SDK1: variants seen among roughly 807,000 people sequenced by gnomAD.
The protein encoded by SDK1 is sidekick cell adhesion molecule 1.
Under a neutral mutation model 245.5 loss-of-function variants are expected in SDK1, and 157 were observed. The ratio of observed to expected loss-of-function variants is 0.64; its 90% CI spans 0.56 to 0.73. The LOEUF (loss-of-function observed/expected upper bound fraction) is 0.73. SDK1 is among the 30% of genes least tolerant of loss of function. SDK1 has a pLI of 0.00. For synonymous variants in SDK1, 1,647 were observed against 1,278.5 expected (o/e 1.29, Z -6.15); for missense variants, 3,583 against 3,002.3 (o/e 1.19, Z -4.52).
chr7:4,141,039 G>A (rs896345131), intron 28 of SDK1, among the ~76,000 whole-genome samples: 13 of 152,150 alleles, frequency 8.5e-5, no homozygotes, highest in Admixed American at 2.6e-4. Context: ...CAGGTCTCCC[G>A]GCTCCCTGCT....
chr7:3,818,071 T>G (rs1779553915), intron 4 of SDK1, among the ~76,000 whole-genome samples: 1 of 152,232 alleles, frequency 6.6e-6, no homozygotes, highest in South Asian at 2.1e-4. Context: ...CATATTGTAC[T>G]CAGTTATTTT....
rs1562646700 is a variant in SDK1, at chr7:3,672,777, AT to A, written c.713+30673del. Among the ~76,000 whole-genome samples the A allele has an allele frequency of 4.0e-4, 39 of 98,290 alleles. 1 individual carries two copies. Among genetic ancestry groups the A allele is most frequent in the Non-Finnish European group, 7.3e-4 (35 of 48,156 alleles). The allele number at this position is 98,290 out of a possible 152,430, so 64.5% of individuals were successfully genotyped here. A position where few individuals can be genotyped will look rare whatever the true frequency, so the allele number is the denominator to read the frequency against. On this transcript the variant is annotated intron_variant, in intron 4 of 44. Transcript: ENST00000404826. The stretch of plus-strand genomic sequence containing the variant: ...TATAATTTTATATATATATATATAT[AT>A]ATATATATATATATATAAAAAATAC...
intron 5 of SDK1, among the ~76,000 whole-genome samples, chr7:3,904,491 C>G (rs1011389282): frequency 3.3e-5 from 5 of 151,566 alleles, no homozygotes; most frequent in Non-Finnish European, 7.4e-5. Context: ...TCCAGGAGTT[C>G]AAGAGCAGCC....
At chr7:3,952,376 C>T (rs1033366772) in intron 7 of SDK1, among the ~76,000 whole-genome samples, 13 of 152,094 alleles carry the variant, frequency 8.5e-5, no homozygotes, top group Admixed American at 5.2e-4. Flanking sequence ...GCCAGGAGTT[C>T]GAGACCAGCC....
intron 2 of SDK1, among the ~76,000 whole-genome samples, chr7:3,635,279 C>T (rs1398894875): frequency 6.6e-6 from 1 of 152,108 alleles, no homozygotes; most frequent in Non-Finnish European, 1.5e-5. Context: ...TATTTTTTCT[C>T]TTTATAAAAG....
intron 1 of SDK1, among the ~76,000 whole-genome samples, chr7:3,312,928 A>G (rs745792166): frequency 6.6e-6 from 1 of 152,186 alleles, no homozygotes; most frequent in South Asian, 2.1e-4. Flanking sequence ...ATAAATTCAT[A>G]CCTAGACATA....
intron 28 of SDK1, among the ~76,000 whole-genome samples, chr7:4,133,500 C>T (rs1562860930): frequency 6.6e-6 from 1 of 152,198 alleles, no homozygotes; most frequent in Non-Finnish European, 1.5e-5. Flanking sequence ...GCCTCACACA[C>T]AGCTCCTTCT....
chr7:3,999,435 A>G (rs989769134), intron 14 of SDK1, among the ~76,000 whole-genome samples: 1 of 152,192 alleles, frequency 6.6e-6, no homozygotes, highest in Admixed American at 6.5e-5. Flanking sequence ...GCTTGCCAGG[A>G]AAGTGGATCT....
At chr7:3,308,121 G>C (rs893540234) in intron 1 of SDK1, among the ~76,000 whole-genome samples, 2 of 152,120 alleles carry the variant, frequency 1.3e-5, no homozygotes, top group Non-Finnish European at 2.9e-5. Flanking sequence ...TTTAGGTTCT[G>C]TAAAACAAAT....
chr7:3,359,211 G>T (rs1056047923), intron 1 of SDK1, among the ~76,000 whole-genome samples: 1 of 152,132 alleles, frequency 6.6e-6, no homozygotes, highest in African/African-American at 2.4e-5. Flanking sequence ...TGTGTGGGCT[G>T]CCAAGTGGCC....
chr7:3,463,206 G>A (rs1423897479), intron 1 of SDK1, among the ~76,000 whole-genome samples: 1 of 152,034 alleles, frequency 6.6e-6, no homozygotes, highest in African/African-American at 2.4e-5. Flanking sequence ...AGTCCTTTAG[G>A]TTTACATTTA....
chr7:3,401,253 A>G (rs958309862), intron 1 of SDK1, among the ~76,000 whole-genome samples: 3 of 152,194 alleles, frequency 2.0e-5, no homozygotes, highest in Admixed American at 2.0e-4. Flanking sequence ...GGGGGAATAC[A>G]CAGAATTCCA....
intron 4 of SDK1, among the ~76,000 whole-genome samples, chr7:3,714,976 T>C (rs1447474537): frequency 6.6e-6 from 1 of 152,208 alleles, no homozygotes; most frequent in African/African-American, 2.4e-5. Flanking sequence ...TGATTCAATA[T>C]TATGTAGCAT....
chr7:4,002,882 G>T (rs1785179688), intron 14 of SDK1, among the ~76,000 whole-genome samples: 1 of 152,246 alleles, frequency 6.6e-6, no homozygotes, highest in Non-Finnish European at 1.5e-5. Context: ...TGTGATGGGA[G>T]CCAAGAGCTC....
At chr7:3,991,564 G>A (rs1278067848) in intron 14 of SDK1, among the ~76,000 whole-genome samples, 3 of 152,182 alleles carry the variant, frequency 2.0e-5, no homozygotes, top group Admixed American at 6.5e-5. Context: ...AGATGGCTCT[G>A]TAGGTGTCCA....
intron 4 of SDK1, among the ~76,000 whole-genome samples, chr7:3,761,596 A>G (rs988938016): frequency 4.0e-5 from 6 of 151,660 alleles, no homozygotes; most frequent in African/African-American, 1.2e-4. Context: ...TCATTGTACA[A>G]GGATGAAGGT....
At chr7:3,566,315 C>G (rs1018432616) in intron 1 of SDK1, among the ~76,000 whole-genome samples, 1 of 151,330 alleles carries the variant, frequency 6.6e-6, no homozygotes, top group Non-Finnish European at 1.5e-5. Flanking sequence ...AGCTCCCCCT[C>G]CCAGGTTCAC....
intron 13 of SDK1, among the ~76,000 whole-genome samples, chr7:3,977,422 C>A (rs901916724): frequency 1.8e-5 from 2 of 108,376 alleles, no homozygotes; most frequent in Non-Finnish European, 4.5e-5. Context: ...CTGAGGCTGC[C>A]ACACAGAGGG....
chr7:3,971,443 C>G, intron 11 of SDK1, 23 bp from the exon 12 acceptor site: 4 of 1,549,368 alleles, frequency 2.6e-6, no homozygotes, highest in South Asian at 2.3e-5. Context: ...TTTCGTCTGA[C>G]TCGTGACTTG....
Sources: gnomAD v4.1 joint callset for allele counts (sites outside exome capture counted in the v4.1 genomes callset) on GRCh38, gnomAD v4.1.1 for gene constraint, MANE v1.5 for transcripts, NCBI Gene and HGNC (gene_info 2026-07-23, HGNC 2026-07-21) for gene names.